The following STAT3 variants were observed in gnomAD, a reference collection of about 807,000 sequenced individuals.
STAT3 encodes the protein signal transducer and activator of transcription 3.
STAT3 carries 7 observed loss-of-function variants against 114.3 expected under a neutral mutation model. That is an observed-to-expected ratio of 0.06 (90% CI 0.03 to 0.11). The LOEUF (loss-of-function observed/expected upper bound fraction) is 0.11. Ranked by LOEUF, STAT3 falls within the 10% of genes least tolerant of loss-of-function variation. The pLI, the probability that STAT3 is intolerant of heterozygous loss-of-function variation, is 1.00. For missense variants in STAT3, 364 were observed against 960.9 expected, an observed-to-expected ratio of 0.38 and a Z score of 8.21; for synonymous variants, 331 against 354.5, an observed-to-expected ratio of 0.93 and a Z score of 0.74.
chr17:42,330,212 G>A (rs2081942764), intron 11 of STAT3, among the ~76,000 whole-genome samples: 1 of 151,242 alleles, frequency 6.6e-6, no homozygotes, highest in African/African-American at 2.4e-5. Context: ...CACCTCCTGA[G>A]TTCAAGTGAT....
intron 1 of STAT3, among the ~76,000 whole-genome samples, chr17:42,362,294 T>G (rs1423530267): frequency 6.6e-6 from 1 of 152,170 alleles, no homozygotes; most frequent in Non-Finnish European, 1.5e-5. Flanking sequence ...AGCTGAATGG[T>G]AAAACCTGCC....
At chr17:42,326,268 G>A in intron 14 of STAT3, 69 bp from the exon 15 acceptor site, 1 of 1,454,738 alleles carries the variant, frequency 6.9e-7, no homozygotes, top group Non-Finnish European at 9.6e-7. Context: ...AGCACTTTGG[G>A]AGGCCAAGGC....
intron 1 of STAT3, among the ~76,000 whole-genome samples, chr17:42,352,955 T>A (rs1009482673): frequency 6.6e-6 from 1 of 152,362 alleles, no homozygotes; most frequent in South Asian, 2.1e-4. Flanking sequence ...CTTGTTCATG[T>A]TGAAATGATA....
chr17:42,334,123 T>C, intron 8 of STAT3, 74 bp from the exon 9 acceptor site: 3 of 1,537,240 alleles, frequency 2.0e-6, no homozygotes, highest in Non-Finnish European at 1.8e-6. Flanking sequence ...GGGAAGGAAA[T>C]ACTGAAGACA....
Position 42,323,020 on chromosome 17 carries a change from C to T in STAT3, c.1872G>A (p.Val624=). Residue 624 remains valine (V), a synonymous_variant, in exon 20 of 24, where the codon GTG becomes GTA. Coordinates refer to ENST00000264657, the MANE Select transcript of STAT3 (RefSeq NM_139276.3). ...SKEGGVTFTW[V]EKDISGKTQI... ...CTCCCTTACCGCTGATGTCCTTCTC[C>T]ACCCAAGTGAAAGTGACGCCTCCTT... 4.3e-6 allele frequency: 7 copies of T among 1,614,080 alleles called. No individual in the cohort carries two copies. Among genetic ancestry groups the T allele is most frequent in the Non-Finnish European group, 5.9e-6 (7 of 1,180,040 alleles).
In STAT3 at chr17:42,333,590, T is replaced by C. The variant is rs1438180539; in HGVS notation, c.1049+83A>G. On this transcript the variant is annotated intron_variant, in intron 10 of 23. Transcript: ENST00000264657. This position sits in a 1 kb window ranked among gnomAD's most constrained non-coding sequence, Gnocchi z 5.2. ...CCTGTGACACCACACCTGGAAAGAA[T>C]GACCCTGGCCACCAACTCTACCCTC... The C allele has an allele frequency of 3.3e-6, 5 of 1,500,072 alleles. No homozygotes were observed. Among genetic ancestry groups the C allele is most frequent in the Non-Finnish European group, 9.2e-7 (1 of 1,082,650 alleles). 92.9% of individuals were successfully genotyped at this position (1,500,072 alleles called of 1,614,324 possible).
rs949721302 is a variant in STAT3 at position 42,324,688 on chromosome 17, G to A, written c.1600+23C>T. 1.3e-6 allele frequency: 2 copies of A among 1,580,352 alleles called. No individual in the cohort carries two copies. The highest frequency in any genetic ancestry group is 2.7e-5 in the African/African-American group (2 of 73,740). On this transcript the variant is annotated intron_variant, in intron 17 of 23. Coordinates refer to ENST00000264657, the MANE Select transcript of STAT3 (RefSeq NM_139276.3). The surrounding 1 kb of genome is among the most constrained non-coding windows in gnomAD (Gnocchi z 4.5). ...CCCTTTTCTGGGCGGGTGGGCGGGA[G>A]GGAGAAGGGGTGAAATGCGGACCCA...
At chr17:42,345,387 T>TG (rs1203296629) in intron 4 of STAT3, 172 bp downstream of exon 4, 3 of 630,086 alleles carry the variant, frequency 4.8e-6, no homozygotes, top group East Asian at 2.8e-5. Context: ...CAATGTATTT[T>TG]GGGGGGTGGA....
intron 1 of STAT3, among the ~76,000 whole-genome samples, chr17:42,382,279 C>T (rs956805432): frequency 6.6e-6 from 1 of 152,194 alleles, no homozygotes; most frequent in Non-Finnish European, 1.5e-5. Flanking sequence ...TTACTATGTG[C>T]CAGGCACTAT....
At chr17:42,319,643 C>T (rs1400167448) in intron 21 of STAT3, among the ~76,000 whole-genome samples, 1 of 151,540 alleles carries the variant, frequency 6.6e-6, no homozygotes, top group Non-Finnish European at 1.5e-5. Flanking sequence ...TAAGTGGCTC[C>T]GAACCTCTCC....
chr17:42,350,648 C>A (rs545261721), intron 1 of STAT3, among the ~76,000 whole-genome samples: 1 of 152,278 alleles, frequency 6.6e-6, no homozygotes, highest in East Asian at 1.9e-4. Flanking sequence ...CTTTGGGGGA[C>A]AGACTCAGAA....
chr17:42,323,695 AAC>A lies in STAT3; in HGVS notation c.1601-72_1601-71del, dbSNP rs149538586. ...GTCAAGAGGTTATTTCTTAAAACAG[AAC>A]ACACACACATTCATCCCACAATGGG... On this transcript the variant is annotated intron_variant, in intron 17 of 23. Transcript: ENST00000264657. 3,431 of 1,431,170 alleles carry A rather than the reference AAC, an allele frequency of 2.4e-3. 61 individuals carry two copies. The African/African-American group carries it at 0.042, about 17-fold the overall frequency. 88.7% of individuals were successfully genotyped at this position (1,431,170 alleles called of 1,614,324 possible). A position where few individuals can be genotyped will look rare whatever the true frequency, so the allele number is the denominator to read the frequency against.
At chr17:42,386,074 G>A (rs1385363223) in intron 1 of STAT3, among the ~76,000 whole-genome samples, 1 of 152,148 alleles carries the variant, frequency 6.6e-6, no homozygotes, top group East Asian at 1.9e-4. Context: ...AAGGTCAGGA[G>A]TTCAAGACCA....
chr17:42,342,728 G>A (rs909681026), intron 4 of STAT3, among the ~76,000 whole-genome samples: 5 of 152,068 alleles, frequency 3.3e-5, no homozygotes, highest in African/African-American at 7.2e-5. Flanking sequence ...GCAGGGCTGC[G>A]GGTTCAAACC....
chr17:42,351,590 T>C (rs1170298203), intron 1 of STAT3, among the ~76,000 whole-genome samples: 1 of 152,164 alleles, frequency 6.6e-6, no homozygotes, highest in Admixed American at 6.6e-5. Context: ...CTAAATCTCC[T>C]GTGTACTTTA....
In STAT3 at chr17:42,330,247, G is replaced by T. The variant is rs143260130; in HGVS notation, c.1110-471C>A. Among the ~76,000 whole-genome samples the T allele has an allele frequency of 6.2e-3, 941 of 151,102 alleles. 6 individuals carry two copies. Among genetic ancestry groups the T allele is most frequent in the Non-Finnish European group, 9.6e-3 (653 of 67,860 alleles). On this transcript the variant is annotated intron_variant, in intron 11 of 23. Coordinates refer to ENST00000264657, the MANE Select transcript of STAT3 (RefSeq NM_139276.3). ...TTCTCCTGCCTCAGCCTCCCGTGTA[G>T]CTGGGATTACGGGCATGCGCCAACA...
intron 4 of STAT3, among the ~76,000 whole-genome samples, chr17:42,342,483 A>G (rs2082486725): frequency 7.7e-6 from 1 of 129,342 alleles, no homozygotes; most frequent in African/African-American, 2.9e-5. Flanking sequence ...ACTCTGTCTC[A>G]AAAGAAAAAA....
At chr17:42,357,649 G>A (rs2083293023) in intron 1 of STAT3, among the ~76,000 whole-genome samples, 1 of 152,012 alleles carries the variant, frequency 6.6e-6, no homozygotes. Flanking sequence ...TCCAGCCTGG[G>A]CGACAAGAGC....
chr17:42,363,538 G>A (rs959697966), intron 1 of STAT3, among the ~76,000 whole-genome samples: 8 of 151,938 alleles, frequency 5.3e-5, no homozygotes, highest in Admixed American at 5.2e-4. Flanking sequence ...CAACCTCCTG[G>A]GCTCAAGCAA....
Sources: gnomAD v4.1 joint callset for allele counts (sites outside exome capture counted in the v4.1 genomes callset) on GRCh38, gnomAD v4.1.1 for gene constraint, Gnocchi (gnomAD v3.1) non-coding constraint, MANE v1.5 for transcripts, NCBI Gene and HGNC (gene_info 2026-07-23, HGNC 2026-07-21) for gene names.